CCDC88B: variants seen among roughly 807,000 people sequenced by gnomAD.
CCDC88B encodes coiled-coil and HOOK domain protein 88B.
CCDC88B carries 138 observed loss-of-function variants against 183.7 expected under a neutral mutation model. That is an observed-to-expected ratio of 0.75 (90% confidence interval 0.65 to 0.87). CCDC88B has a LOEUF of 0.87. Ranked by LOEUF, CCDC88B falls within the 40% of genes least tolerant of loss-of-function variation. The pLI is 0.00. For synonymous variants in CCDC88B, 835 were observed against 867.5 expected, an observed-to-expected ratio of 0.96 and a Z score of 0.66; for missense variants, 1,822 against 1,965.6, an observed-to-expected ratio of 0.93 and a Z score of 1.38.
In CCDC88B at chr11:64,344,979, C is replaced by T. The variant is rs781776765; in HGVS notation, c.2438C>T (p.Ala813Val). 59 of 1,548,130 alleles carry T rather than the reference C, an allele frequency of 3.8e-5. No individual in the cohort carries two copies. The highest frequency in any genetic ancestry group is 4.7e-5 in the Non-Finnish European group (54 of 1,147,952). ...ELESASQERE[A>V]LVEALAAAGR... The stretch of plus-strand genomic sequence containing the variant: ...GAGTCTGCGTCCCAGGAACGGGAGG[C>T]GCTGGTGGAGGCGCTGGCAGCAGCG... Residue 813 changes from alanine (A) to valine (V), a missense_variant, in exon 14 of 27, where the codon GCG (alanine) becomes GTG (valine). Coordinates refer to ENST00000356786, the MANE Select transcript of CCDC88B (RefSeq NM_032251.6). This position sits in a 1 kb window ranked among gnomAD's most constrained non-coding sequence, Gnocchi z 4.5.
intron 16 of CCDC88B, among the ~76,000 whole-genome samples, chr11:64,350,911 G>GGAT (rs2036303018): frequency 6.6e-6 from 1 of 152,150 alleles, no homozygotes; most frequent in African/African-American, 2.4e-5. Flanking sequence ...AGGAGTAGTG[G>GGAT]GATGGAGAAG....
chr11:64,353,953 C>T (rs773215296), intron 23 of CCDC88B, 51 bp from the exon 24 acceptor site: 2 of 1,546,862 alleles, frequency 1.3e-6, no homozygotes, highest in Non-Finnish European at 1.8e-6. Context: ...ACACCCTTTG[C>T]TCCCTCCCTC....
At chr11:64,345,937 G>T (rs553673461) in intron 14 of CCDC88B, among the ~76,000 whole-genome samples, 2 of 152,206 alleles carry the variant, frequency 1.3e-5, no homozygotes, top group African/African-American at 4.8e-5. Flanking sequence ...CCCGGAAGGC[G>T]GAGGTTGCAG....
rs73484024 is a variant in CCDC88B at position 64,355,138 on chromosome 11, G to A, written c.4100-56G>A. Reference sequence around the variant, plus strand: ...CCCATTCTCTGACCTCCTCCCTACAGGAGCCTCAGCTCCCGTCCCCTCCTC... The same window carrying A: ...CCCATTCTCTGACCTCCTCCCTACAAGAGCCTCAGCTCCCGTCCCCTCCTC... On this transcript the variant is annotated intron_variant, in intron 24 of 26. Coordinates refer to ENST00000356786, the MANE Select transcript of CCDC88B (RefSeq NM_032251.6). 750 of 1,149,630 alleles carry A rather than the reference G, an allele frequency of 6.5e-4. 4 individuals are homozygous for A. The African/African-American group carries it at 0.012, about 18-fold the overall frequency. 71.2% of individuals were successfully genotyped at this position (1,149,630 alleles called of 1,614,324 possible). A position where few individuals can be genotyped will look rare whatever the true frequency, so the allele number is the denominator to read the frequency against.
Position 64,357,487 on chromosome 11 carries a change from A to C in CCDC88B, c.*393A>C, listed in dbSNP as rs966059564. ...GTGGCCTGGGCTGATCTTGAGCCTT[A>C]ACTGGACATGAGGGGCATGAGAATA... On this transcript the variant is annotated 3_prime_UTR_variant, in exon 27 of 27. Transcript: ENST00000356786. 17 of 711,638 alleles carry C rather than the reference A, an allele frequency of 2.4e-5. No individual in the cohort carries two copies. Among genetic ancestry groups the C allele is most frequent in the Non-Finnish European group, 3.9e-5 (15 of 381,342 alleles). 44.1% of individuals were successfully genotyped at this position (711,638 alleles called of 1,614,324 possible). A position where few individuals can be genotyped will look rare whatever the true frequency, so the allele number is the denominator to read the frequency against.
At position 64,357,465 on chromosome 11, in the gene CCDC88B, G is replaced by A. The variant is rs1322450957; in HGVS notation, c.*371G>A. ...TGAGTCCCAGTGCTGGGGGACTGTG[G>A]CCTGGGCTGATCTTGAGCCTTAACT... On this transcript the variant is annotated 3_prime_UTR_variant, in exon 27 of 27. Transcript: ENST00000356786. 1 of 716,218 alleles carries A rather than the reference G, an allele frequency of 1.4e-6. No individual in the cohort carries two copies. The highest frequency in any genetic ancestry group is 1.5e-5 in the South Asian group (1 of 67,570). 44.4% of individuals were successfully genotyped at this position (716,218 alleles called of 1,614,324 possible).
chr11:64,340,599 C>A lies in CCDC88B; in HGVS notation c.61-8C>A. 6.2e-7 allele frequency: 1 copy of A among 1,606,332 alleles called. No individual in the cohort carries two copies. Among genetic ancestry groups the A allele is most frequent in the Non-Finnish European group, 8.5e-7 (1 of 1,178,410 alleles). On this transcript the variant is annotated splice_region_variant and splice_polypyrimidine_tract_variant and intron_variant, in intron 1 of 26. Coordinates refer to ENST00000356786, the MANE Select transcript of CCDC88B (RefSeq NM_032251.6). ...GCTGGTCGGCTGACCCCTCTGGGCT[C>A]CTCACAGGCGCTGGGACTGGCCGGG...
chr11:64,344,818 C>T lies in CCDC88B; in HGVS notation c.2277C>T (p.Asn759=), dbSNP rs1316852585. ...AGGCCCGCAAGCTGGAGGCCCAAAA[C>T]ACGGAGGCTGCCCGCCTCTCCAAGG... ...EAQARKLEAQ[N]TEAARLSKEL... Residue 759 remains asparagine (N), a synonymous_variant, in exon 14 of 27, where the codon AAC becomes AAT. Coordinates refer to ENST00000356786, the MANE Select transcript of CCDC88B (RefSeq NM_032251.6). The surrounding 1 kb of genome is among the most constrained non-coding windows in gnomAD (Gnocchi z 4.5). 6.2e-7 allele frequency: 1 copy of T among 1,608,724 alleles called. No homozygotes were observed. The highest frequency in any genetic ancestry group is 1.7e-5 in the Admixed American group (1 of 59,344).
chr11:64,352,999 G>C (rs1591297316), intron 20 of CCDC88B, 55 bp from the exon 21 acceptor site: 6 of 1,521,648 alleles, frequency 3.9e-6, no homozygotes, highest in Non-Finnish European at 5.3e-6. Context: ...TCTCTGGCCA[G>C]CACTCGGACT....
chr11:64,351,221 C>T lies in CCDC88B; in HGVS notation c.2924C>T (p.Thr975Ile), dbSNP rs2036314955. 6.5e-7 allele frequency: 1 copy of T among 1,529,148 alleles called. No homozygotes were observed. Among genetic ancestry groups the T allele is most frequent in the South Asian group, 1.2e-5 (1 of 80,640 alleles). 94.7% of individuals were successfully genotyped at this position (1,529,148 alleles called of 1,614,324 possible). ...CGTGCGGAGCCTCAGCTGGTGGAGA[C>T]CCAGAATGTGCGGCTTATTGAGGTG... ...KKRAEPQLVE[T>I]QNVRLIEVER... The change falls in exon 17 of 27, where the codon ACC becomes ATC. Residue 975 changes from threonine to isoleucine, a missense_variant. Transcript: ENST00000356786.
chr11:64,343,482 TG>T (rs61354326), intron 11 of CCDC88B, 24 bp from the exon 12 acceptor site: 256,951 of 1,550,460 alleles, frequency 0.17, 25,910 homozygotes, highest in East Asian at 0.51. Flanking sequence ...GTGGAGGGCT[TG>T]TCTGACCCTT....
At chr11:64,351,875 A>T (rs933720464) in intron 18 of CCDC88B, among the ~76,000 whole-genome samples, 2 of 151,650 alleles carry the variant, frequency 1.3e-5, no homozygotes, top group Non-Finnish European at 1.5e-5. Flanking sequence ...TCCCCTCCAC[A>T]GGGCGCCATT....
At chr11:64,342,866 T>G (rs1369194319) in intron 10 of CCDC88B, 186 bp downstream of exon 10, 10 of 333,772 alleles carry the variant, frequency 3.0e-5, no homozygotes, top group East Asian at 8.2e-5. Context: ...ATGGGGCAGG[T>G]GTAGGGGAGT....
At chr11:64,340,570 C>G in intron 1 of CCDC88B, 37 bp from the exon 2 acceptor site, 1 of 1,590,950 alleles carries the variant, frequency 6.3e-7, no homozygotes, top group Non-Finnish European at 8.5e-7. Flanking sequence ...TCAGGGTTCA[C>G]TCTGCTGGTC....
chr11:64,355,705 T>C (rs532535745), intron 26 of CCDC88B, 77 bp downstream of exon 26: 2 of 1,358,144 alleles, frequency 1.5e-6, no homozygotes, highest in East Asian at 2.4e-5. Context: ...TCATCCATTC[T>C]TTCATTCGAC....
chr11:64,352,754 C>T lies in CCDC88B; in HGVS notation c.3367C>T (p.Leu1123=). ...CCTTGTCCATCCCAGGCACGAGCAG[C>T]TGCAGGCCCAGCGGGCCAGCGTGGA... ...HRELQGRHEQ[L]QAQRASVEAQ... Residue 1123 remains leucine (L), a synonymous_variant, in exon 20 of 27, where the codon CTG becomes TTG. Transcript: ENST00000356786. The T allele has an allele frequency of 6.2e-7, 1 of 1,613,542 alleles. No homozygotes were observed. Among genetic ancestry groups the T allele is most frequent in the Non-Finnish European group, 8.5e-7 (1 of 1,180,012 alleles).
rs2036016381 is a variant in CCDC88B, at chr11:64,344,426, G to GC, written c.1886dup (p.Pro630SerfsTer8). The GC allele has an allele frequency of 6.3e-7, 1 of 1,590,158 alleles. No homozygotes were observed. Among genetic ancestry groups the GC allele is most frequent in the African/African-American group, 1.4e-5 (1 of 73,716 alleles). ...GGGAGGAGAGACAGAGGGAAGAGAGGCTCCCCAAGGCGAGTTGGTGCCTGA... is the reference window on the plus strand; with the variant it reads ...GGGAGGAGAGACAGAGGGAAGAGAGGCCTCCCCAAGGCGAGTTGGTGCCTGA... On this transcript the variant is annotated frameshift_variant, in exon 14 of 27. Transcript: ENST00000356786. LOFTEE classifies it high-confidence loss of function. The surrounding 1 kb of genome is among the most constrained non-coding windows in gnomAD (Gnocchi z 4.5).
At chr11:64,342,999 C>T (rs925772777) in intron 10 of CCDC88B, among the ~76,000 whole-genome samples, 180 bp from the exon 11 acceptor site, 3 of 142,992 alleles carry the variant, frequency 2.1e-5, no homozygotes, top group African/African-American at 8.0e-5. Flanking sequence ...GAGAAAGTAC[C>T]TGAAGAGATC....
At chr11:64,343,139 G>T in intron 10 of CCDC88B, 40 bp from the exon 11 acceptor site, 1 of 1,495,594 alleles carries the variant, frequency 6.7e-7, no homozygotes. Context: ...GGAGTGCATG[G>T]GGGCTGCGTG....
Sources: gnomAD v4.1 joint callset for allele counts (sites outside exome capture counted in the v4.1 genomes callset) on GRCh38, gnomAD v4.1.1 for gene constraint, Gnocchi (gnomAD v3.1) non-coding constraint, MANE v1.5 for transcripts, NCBI Gene and HGNC (gene_info 2026-07-23, HGNC 2026-07-21) for gene names.